TTBK2: variants seen among roughly 807,000 people sequenced by gnomAD.
TTBK2 encodes tau tubulin kinase 2.
In TTBK2, 28 loss-of-function variants were observed where a neutral mutation model predicts 110.8. The observed-to-expected ratio is 0.25, with a 90% CI of 0.19 to 0.35. TTBK2 has a LOEUF of 0.35. TTBK2 is among the 10% of genes least tolerant of loss of function. The pLI, the probability that TTBK2 is intolerant of heterozygous loss-of-function variation, is 1.00. For missense variants in TTBK2, 1,369 were observed against 1,500.3 expected, an observed-to-expected ratio of 0.91 and a Z score of 1.45; for synonymous variants, 532 against 527.3, an observed-to-expected ratio of 1.01 and a Z score of -0.12.
intron 10 of TTBK2, among the ~76,000 whole-genome samples, chr15:42,790,110 C>T (rs982897972): frequency 6.6e-6 from 1 of 152,064 alleles, no homozygotes; most frequent in East Asian, 1.9e-4. Context: ...CCCTATTTTA[C>T]ACAATACACA....
chr15:42,815,954 A>ATATATATATATATATATATAT (rs1393860735), intron 7 of TTBK2, among the ~76,000 whole-genome samples: 2 of 53,376 alleles, frequency 3.7e-5, no homozygotes, highest in African/African-American at 2.2e-4. Context: ...ATATTTAAAA[A>ATATATATATATATATATATAT]AAAAATATAT....
chr15:42,909,575 T>G (rs1247036437), intron 1 of TTBK2, among the ~76,000 whole-genome samples: 1 of 152,146 alleles, frequency 6.6e-6, no homozygotes, highest in Non-Finnish European at 1.5e-5. Flanking sequence ...GTGCTGGGGA[T>G]TATGACATGA....
intron 4 of TTBK2, among the ~76,000 whole-genome samples, chr15:42,836,905 C>T (rs561832316): frequency 1.7e-4 from 26 of 152,244 alleles, no homozygotes; most frequent in South Asian, 2.1e-4. Context: ...TCAGCTTCTC[C>T]ATGTACAAAA....
chr15:42,769,230 G>T (rs923279225), intron 13 of TTBK2, among the ~76,000 whole-genome samples: 3 of 152,136 alleles, frequency 2.0e-5, no homozygotes, highest in African/African-American at 7.2e-5. Flanking sequence ...AACACCAAAA[G>T]CAATGGCAAC....
chr15:42,889,065 C>T (rs766589319), intron 1 of TTBK2, among the ~76,000 whole-genome samples: 10 of 152,104 alleles, frequency 6.6e-5, no homozygotes, highest in Non-Finnish European at 1.5e-4. Context: ...GGTTATAAGC[C>T]ACTAGCCCAC....
At chr15:42,903,405 A>G (rs2030186509) in intron 1 of TTBK2, among the ~76,000 whole-genome samples, 2 of 152,244 alleles carry the variant, frequency 1.3e-5, no homozygotes, top group South Asian at 4.1e-4. Context: ...TGTACACTTA[A>G]AAATGCTTAA....
intron 1 of TTBK2, among the ~76,000 whole-genome samples, chr15:42,881,440 A>G (rs1895047101): frequency 6.6e-6 from 1 of 152,082 alleles, no homozygotes; most frequent in Non-Finnish European, 1.5e-5. Flanking sequence ...ATACGAAAGC[A>G]CAATCAATAG....
chr15:42,760,538 G>A (rs2062012117), intron 13 of TTBK2, among the ~76,000 whole-genome samples: 1 of 152,004 alleles, frequency 6.6e-6, no homozygotes, highest in African/African-American at 2.4e-5. Context: ...ATTTTTTAAT[G>A]AAGAAAACCT....
intron 1 of TTBK2, among the ~76,000 whole-genome samples, chr15:42,901,987 C>T (rs555149208): frequency 1.3e-5 from 2 of 150,430 alleles, no homozygotes; most frequent in Admixed American, 6.6e-5. Flanking sequence ...AGGCTGAGGC[C>T]GGCAGATCAC....
intron 10 of TTBK2, among the ~76,000 whole-genome samples, chr15:42,787,609 G>C (rs909672694): frequency 1.3e-5 from 2 of 152,124 alleles, no homozygotes; most frequent in Admixed American, 1.3e-4. Flanking sequence ...TAACTTTATA[G>C]TAGAAAGAAC....
At chr15:42,754,300 C>T (rs190610926) in intron 13 of TTBK2, among the ~76,000 whole-genome samples, 2 of 151,992 alleles carry the variant, frequency 1.3e-5, no homozygotes, top group East Asian at 1.9e-4. Flanking sequence ...AGGCTGGTCT[C>T]GAACTCCTGA....
chr15:42,905,181 G>A (rs1292458210), intron 1 of TTBK2, among the ~76,000 whole-genome samples: 2 of 151,894 alleles, frequency 1.3e-5, no homozygotes, highest in Non-Finnish European at 2.9e-5. Context: ...GCCCCAAACT[G>A]TATATAATTT....
chr15:42,748,972 C>A (rs1345968883), intron 14 of TTBK2, among the ~76,000 whole-genome samples: 1 of 152,064 alleles, frequency 6.6e-6, no homozygotes, highest in Non-Finnish European at 1.5e-5. Context: ...AAATCATGGA[C>A]AACGTATTCT....
intron 13 of TTBK2, among the ~76,000 whole-genome samples, chr15:42,754,434 C>T (rs769015762): frequency 8.6e-5 from 13 of 151,408 alleles, no homozygotes; most frequent in Non-Finnish European, 1.9e-4. Context: ...CTTGCTCTGT[C>T]GCCCAGGCTG....
At chr15:42,835,784 T>C (rs192732965) in intron 4 of TTBK2, among the ~76,000 whole-genome samples, 113 of 144,852 alleles carry the variant, frequency 7.8e-4, no homozygotes, top group Admixed American at 1.8e-3. Flanking sequence ...ATAGATAAAA[T>C]ATGCCTTGGA....
chr15:42,842,828 A>C (rs1305721040), intron 3 of TTBK2, among the ~76,000 whole-genome samples: 1 of 152,172 alleles, frequency 6.6e-6, no homozygotes, highest in East Asian at 1.9e-4. Flanking sequence ...TAAGCTAGCA[A>C]GAATGGGTGC....
At chr15:42,892,704 CAAAAAAAA>C (rs35331798) in intron 1 of TTBK2, among the ~76,000 whole-genome samples, 1 of 37,910 alleles carries the variant, frequency 2.6e-5, no homozygotes, top group Non-Finnish European at 4.8e-5. Flanking sequence ...GACCCTGTCT[CAAAAAAAA>C]AAAAAAAAAA....
intron 1 of TTBK2, among the ~76,000 whole-genome samples, chr15:42,902,190 T>A (rs1204378218): frequency 1.3e-4 from 19 of 143,870 alleles, no homozygotes; most frequent in Non-Finnish European, 1.9e-4. Flanking sequence ...CCCTCCAGCA[T>A]GGGCAACAGA....
In TTBK2 at chr15:42,745,592, A is replaced by C; in HGVS notation, c.*203T>G. 1.5e-6 allele frequency: 1 copy of C among 654,696 alleles called. No homozygotes were observed. The allele number at this position is 654,696 out of a possible 1,614,324, so 40.6% of individuals were successfully genotyped here. On this transcript the variant is annotated 3_prime_UTR_variant, in exon 15 of 15. Transcript: ENST00000267890. ...TGCTCTATTTTTCCTTCTTGTACAA[A>C]GACATTGATTCCTAATCTACTTGCT...
Sources: gnomAD v4.1 joint callset for allele counts (sites outside exome capture counted in the v4.1 genomes callset) on GRCh38, gnomAD v4.1.1 for gene constraint, MANE v1.5 for transcripts, NCBI Gene and HGNC (gene_info 2026-07-23, HGNC 2026-07-21) for gene names.